Variants in RNF20 observed in about 807,000 individuals in gnomAD.
RNF20 encodes ring finger protein 20.
Under a neutral mutation model 126.2 loss-of-function variants are expected in RNF20, and 84 were observed. That is an observed-to-expected ratio of 0.67 (90% confidence interval 0.56 to 0.80). RNF20 has a LOEUF of 0.80. Ranked by LOEUF, RNF20 falls within the 30% of genes least tolerant of loss-of-function variation. The pLI is 0.00. For missense variants in RNF20, 869 were observed against 1,188.2 expected, an observed-to-expected ratio of 0.73 and a Z score of 3.95; for synonymous variants, 400 against 414.3, an observed-to-expected ratio of 0.97 and a Z score of 0.42.
At chr9:101,545,065 T>C (rs891479449) in intron 6 of RNF20, among the ~76,000 whole-genome samples, 180 bp downstream of exon 6, 1 of 152,076 alleles carries the variant, frequency 6.6e-6, no homozygotes, top group Non-Finnish European at 1.5e-5. Context: ...TATAAAAGAC[T>C]GTATAGTGTT....
At chr9:101,534,750 A>G (rs1827155180) in intron 1 of RNF20, among the ~76,000 whole-genome samples, 1 of 152,114 alleles carries the variant, frequency 6.6e-6, no homozygotes, top group African/African-American at 2.4e-5. Flanking sequence ...TTCTGGCATA[A>G]TCAAACTGCC....
At position 101,546,786 on chromosome 9, in the gene RNF20, T is replaced by C. The variant is rs115530797; in HGVS notation, c.748-34T>C. The C allele has an allele frequency of 1.2e-4, 193 of 1,612,276 alleles. 1 individual carries two copies. The African/African-American group carries it at 2.2e-3, about 18-fold the overall frequency. On this transcript the variant is annotated intron_variant, in intron 6 of 19. Coordinates refer to ENST00000389120, the MANE Select transcript of RNF20 (RefSeq NM_019592.7). Reference sequence around the variant, plus strand: ...ATTATGGAATTTGGTCTTTTTTTGCTATATGTTTCTGAATGTTTGTCTTTG... The same window carrying C: ...ATTATGGAATTTGGTCTTTTTTTGCCATATGTTTCTGAATGTTTGTCTTTG...
intron 9 of RNF20, among the ~76,000 whole-genome samples, chr9:101,549,826 A>G (rs1827413834): frequency 6.6e-6 from 1 of 152,190 alleles, no homozygotes; most frequent in Non-Finnish European, 1.5e-5. Context: ...CTAGGTTATG[A>G]TTATAGAGCG....
rs116353764 is a variant in RNF20, at chr9:101,560,917, T to C, written c.2499T>C (p.Asn833=). 1.6e-4 allele frequency: 262 copies of C among 1,611,522 alleles called. 1 individual carries two copies. The Middle Eastern group carries it at 2.2e-3, about 13-fold the overall frequency. Residue 833 remains asparagine (N), a synonymous_variant, in exon 17 of 20, where the codon AAT becomes AAC. Coordinates refer to ENST00000389120, the MANE Select transcript of RNF20 (RefSeq NM_019592.7). ...TTAGGACCCAAGCCTTAGAGATGAA[T>C]AAACGCAAGGTATGATTGATTAATC... ...LGLRTQALEM[N]KRKAMEAAQL...
chr9:101,547,302 G>A, intron 8 of RNF20, 88 bp downstream of exon 8: 11 of 1,597,814 alleles, frequency 6.9e-6, no homozygotes, highest in Non-Finnish European at 8.6e-6. Flanking sequence ...GTGACATCAT[G>A]GGGTTTTGCT....
chr9:101,541,630 A>G (rs919825795), intron 5 of RNF20, among the ~76,000 whole-genome samples: 4 of 152,200 alleles, frequency 2.6e-5, no homozygotes, highest in Non-Finnish European at 4.4e-5. Flanking sequence ...ATTGATTTAT[A>G]GTGATAATAC....
At chr9:101,556,610 A>G (rs183011598) in intron 15 of RNF20, among the ~76,000 whole-genome samples, 6 of 152,336 alleles carry the variant, frequency 3.9e-5, no homozygotes, top group Admixed American at 3.9e-4. Context: ...AAATTCCTTT[A>G]TAATTTGGAG....
In RNF20 at chr9:101,562,024, G is replaced by A; in HGVS notation, c.2751+13G>A. On this transcript the variant is annotated intron_variant, in intron 19 of 19. Transcript: ENST00000389120. ...TAAGGATTACAAGGTTAGAAAAAAT[G>A]CCTTAGTGATTAGTTTTTTGTCAAA... The A allele has an allele frequency of 1.9e-6, 3 of 1,566,858 alleles. No individual in the cohort carries two copies. The highest frequency in any genetic ancestry group is 2.6e-6 in the Non-Finnish European group (3 of 1,144,678).
At chr9:101,561,395 CAG>C in intron 18 of RNF20, 165 bp downstream of exon 18, 1 of 673,288 alleles carries the variant, frequency 1.5e-6, no homozygotes, top group South Asian at 2.0e-5. Context: ...GCCATATCCT[CAG>C]ACTCTTTTAT....
chr9:101,558,936 G>A (rs137917591), intron 16 of RNF20, among the ~76,000 whole-genome samples: 22,714 of 151,902 alleles, frequency 0.15, 2,252 homozygotes, highest in East Asian at 0.36. Flanking sequence ...TTCTTTTGTT[G>A]CATTTGCTTT....
Position 101,552,273 on chromosome 9 carries a change from G to A in RNF20, c.1530+11G>A. 6.2e-7 allele frequency: 1 copy of A among 1,614,112 alleles called. No individual in the cohort carries two copies. The highest frequency in any genetic ancestry group is 8.5e-7 in the Non-Finnish European group (1 of 1,179,994). On this transcript the variant is annotated intron_variant, in intron 12 of 19. Coordinates refer to ENST00000389120, the MANE Select transcript of RNF20 (RefSeq NM_019592.7). ...TCTGACCTGAACAAGGTAACCAGAGGGAATAGAATAAATATCATTTGCTAT... is the reference window on the plus strand; with the variant it reads ...TCTGACCTGAACAAGGTAACCAGAGAGAATAGAATAAATATCATTTGCTAT...
In RNF20 at chr9:101,557,374, C is replaced by T. The variant is rs1432358021; in HGVS notation, c.2170-10C>T. On this transcript the variant is annotated splice_polypyrimidine_tract_variant and intron_variant, in intron 15 of 19. Transcript: ENST00000389120. Reference sequence around the variant, plus strand: ...TCTTCTAAAATCAAATCTCTTCCTTCATCCTTTAGGAAGAAGAAGCACTCC... The same window carrying T: ...TCTTCTAAAATCAAATCTCTTCCTTTATCCTTTAGGAAGAAGAAGCACTCC... 2 of 1,599,926 alleles carry T rather than the reference C, an allele frequency of 1.3e-6. No individual in the cohort carries two copies. Among genetic ancestry groups the T allele is most frequent in the East Asian group, 2.2e-5 (1 of 44,694 alleles).
At chr9:101,547,320 C>T (rs1044122680) in intron 8 of RNF20, 79 bp from the exon 9 acceptor site, 74 of 1,601,860 alleles carry the variant, frequency 4.6e-5, no homozygotes, top group Admixed American at 4.0e-4. Flanking sequence ...GCTGGAATAG[C>T]GAATCAGTGA....
chr9:101,544,477 G>A (rs992806283), intron 5 of RNF20, among the ~76,000 whole-genome samples: 8 of 152,122 alleles, frequency 5.3e-5, no homozygotes, highest in Non-Finnish European at 1.2e-4. Flanking sequence ...AGGCTGAGGT[G>A]GGTGGATCAC....
At position 101,547,464 on chromosome 9, in the gene RNF20, GGA is replaced by G; in HGVS notation, c.1041_1042del (p.Lys348ThrfsTer6). The part of the protein sequence containing the change: ...ELAQNRLCEL[E>X]KLRQDFEEVT... ...TGGCTCAGAACCGTCTCTGTGAGCTGGAGAAACTTCGGCAAGACTTTGAGGAG... is the reference window on the plus strand; with the variant it reads ...TGGCTCAGAACCGTCTCTGTGAGCTGGAAACTTCGGCAAGACTTTGAGGAG... On this transcript the variant is annotated frameshift_variant, in exon 9 of 20. Coordinates refer to ENST00000389120, the MANE Select transcript of RNF20 (RefSeq NM_019592.7). LOFTEE classifies it high-confidence loss of function. 6.2e-7 allele frequency: 1 copy of G among 1,614,178 alleles called. No individual in the cohort carries two copies. Among genetic ancestry groups the G allele is most frequent in the Non-Finnish European group, 8.5e-7 (1 of 1,180,006 alleles).
rs1564110506 is a variant in RNF20 at position 101,551,822 on chromosome 9, A to G, written c.1408+3A>G. 2.5e-6 allele frequency: 4 copies of G among 1,603,256 alleles called. No individual in the cohort carries two copies. Among genetic ancestry groups the G allele is most frequent in the Middle Eastern group, 3.3e-4 (2 of 5,984 alleles). ...CCTTGCTGCCAATGAACAAGCAGGT[A>G]TAATGATTCTCACTCCATGCTGTAG... On this transcript the variant is annotated splice_donor_region_variant and intron_variant, in intron 11 of 19. Coordinates refer to ENST00000389120, the MANE Select transcript of RNF20 (RefSeq NM_019592.7).
Position 101,554,786 on chromosome 9 carries a change from C to G in RNF20, c.2112C>G (p.Ile704Met). 6.3e-7 allele frequency: 1 copy of G among 1,581,288 alleles called. No homozygotes were observed. Among genetic ancestry groups the G allele is most frequent in the Non-Finnish European group, 8.6e-7 (1 of 1,159,898 alleles). ...CTGATGAGGATGCCTTGAGGAAGAT[C>G]CGGGCAGTGGAGGAGCAGATAGAAT... ...KMADEDALRK[I>M]RAVEEQIEYL... Residue 704 changes from isoleucine to methionine, a missense_variant, in exon 15 of 20, where the codon ATC becomes ATG. Ile to Met is a conservative substitution (Grantham distance 10, BLOSUM62 1). Around this residue, in one of 8 missense-constraint regions of RNF20, gnomAD observed 231 missense variants for 263.6 expected, o/e 0.88. Transcript: ENST00000389120.
intron 5 of RNF20, among the ~76,000 whole-genome samples, chr9:101,543,027 G>C (rs556864105): frequency 6.6e-6 from 1 of 152,316 alleles, no homozygotes; most frequent in South Asian, 2.1e-4. Context: ...CATCAATACA[G>C]TAGTTTCTAC....
At chr9:101,558,430 G>C (rs913363621) in intron 16 of RNF20, among the ~76,000 whole-genome samples, 6 of 152,152 alleles carry the variant, frequency 3.9e-5, no homozygotes, top group African/African-American at 1.4e-4. Context: ...CCGGAAGTGG[G>C]ATTGCGGAAT....
Sources: gnomAD v4.1 joint callset for allele counts (sites outside exome capture counted in the v4.1 genomes callset) on GRCh38, gnomAD v4.1.1 for gene constraint, gnomAD v4.1.1 regional missense constraint, MANE v1.5 for transcripts, NCBI Gene and HGNC (gene_info 2026-07-23, HGNC 2026-07-21) for gene names.